Variants in AKAP6 observed in about 807,000 individuals in gnomAD.
AKAP6 encodes the protein A-kinase anchoring protein 6.
AKAP6 carries 58 observed loss-of-function variants against 188.5 expected under a neutral mutation model. That is an observed-to-expected ratio of 0.31 (90% CI 0.25 to 0.38). The LOEUF is 0.38. Ranked by LOEUF, AKAP6 falls within the 10% of genes least tolerant of loss-of-function variation. The pLI is 1.00. For missense variants in AKAP6, 2,710 were observed against 2,740.0 expected, an observed-to-expected ratio of 0.99 and a Z score of 0.24; for synonymous variants, 989 against 998.6, an observed-to-expected ratio of 0.99 and a Z score of 0.18.
rs74041655 is a variant in AKAP6, at chr14:32,666,096, C to A, written c.2731-12215C>A. ...TGCCTTTACATTATTATTATGACTT[C>A]AGTAAATTGGTTAATAACCAATATA... On this transcript the variant is annotated intron_variant, in intron 7 of 13. Transcript: ENST00000280979. 6.0e-3 allele frequency among the ~76,000 whole-genome samples: 917 copies of A among 152,122 alleles called. 11 individuals are homozygous for A. Among genetic ancestry groups the A allele is most frequent in the African/African-American group, 0.021 (884 of 41,498 alleles).
intron 7 of AKAP6, among the ~76,000 whole-genome samples, chr14:32,605,654 A>G (rs1223240961): frequency 6.6e-6 from 1 of 152,200 alleles, no homozygotes. Context: ...GAAGTTCTCC[A>G]TGACTAAAAG....
chr14:32,733,510 A>G (rs1319499890), intron 10 of AKAP6: 1 of 152,142 alleles, frequency 6.6e-6, no homozygotes, highest in Non-Finnish European at 1.5e-5. Context: ...TTTTAGATAA[A>G]TAATACTCCA....
chr14:32,337,733 C>G (rs978900011), intron 1 of AKAP6, among the ~76,000 whole-genome samples: 2 of 145,284 alleles, frequency 1.4e-5, no homozygotes, highest in Non-Finnish European at 3.0e-5. Flanking sequence ...TCCCCCCACC[C>G]CACAACAGTC....
intron 11 of AKAP6, among the ~76,000 whole-genome samples, chr14:32,743,540 G>GTGTATCCA (rs1287843397): frequency 8.5e-5 from 13 of 152,054 alleles, no homozygotes; most frequent in East Asian, 5.8e-4. Context: ...CCATTTGTGT[G>GTGTATCCA]TTTTTTGGTT....
chr14:32,594,179 GA>G (rs1480320535), intron 5 of AKAP6, among the ~76,000 whole-genome samples: 1 of 152,122 alleles, frequency 6.6e-6, no homozygotes, highest in Admixed American at 6.6e-5. Context: ...TAGATAGTAT[GA>G]TTTCCATTTT....
intron 12 of AKAP6, among the ~76,000 whole-genome samples, chr14:32,783,944 CT>C (rs2033327414): frequency 6.6e-6 from 1 of 152,074 alleles, no homozygotes; most frequent in South Asian, 2.1e-4. Flanking sequence ...ATGAACAAGA[CT>C]TTCATAAATA....
At chr14:32,400,579 A>AAAAAAAAAAAAAAG (rs5807654) in intron 1 of AKAP6, among the ~76,000 whole-genome samples, 1 of 150,440 alleles carries the variant, frequency 6.6e-6, no homozygotes, top group African/African-American at 2.4e-5. Flanking sequence ...AAAAAAAAAA[A>AAAAAAAAAAAAAAG]GACAGTAAGC....
rs1205578009 is a variant in AKAP6, at chr14:32,835,461, C to G, written c.*5656C>G. 6.6e-6 allele frequency: 1 copy of G among 152,188 alleles called. No homozygotes were observed. Among genetic ancestry groups the G allele is most frequent in the Non-Finnish European group, 1.5e-5 (1 of 68,028 alleles). The allele number at this position is 152,188 out of a possible 1,614,324, so 9.4% of individuals were successfully genotyped here. ...TTACAGACTAAATAATTAGTTCAAT[C>G]AAAACCATCAGAAAAATTGACACAA... is the stretch of plus-strand genomic sequence containing the variant. On this transcript the variant is annotated 3_prime_UTR_variant, in exon 14 of 14. Coordinates refer to ENST00000280979, the MANE Select transcript of AKAP6 (RefSeq NM_004274.5).
intron 7 of AKAP6, among the ~76,000 whole-genome samples, chr14:32,651,987 A>G (rs997216694): frequency 2.0e-5 from 3 of 152,026 alleles, no homozygotes; most frequent in Middle Eastern, 3.2e-3. Flanking sequence ...TATAGTATGC[A>G]TATTCCCTTA....
intron 2 of AKAP6, among the ~76,000 whole-genome samples, chr14:32,453,575 CTTTTTTTTTTTTTTTTTTTTTTTTTTTT>C (rs71115071): frequency 2.1e-5 from 2 of 95,354 alleles, no homozygotes; most frequent in Non-Finnish European, 4.3e-5. Context: ...TTTTTCTTTT[CTTTTTTTTTTTTTTTTTTTTTTTTTTTT>C]TTTTTTTTTT....
intron 1 of AKAP6, among the ~76,000 whole-genome samples, chr14:32,334,740 C>A (rs751187886): frequency 6.6e-6 from 1 of 152,138 alleles, no homozygotes; most frequent in African/African-American, 2.4e-5. Flanking sequence ...TTCTTCTCCA[C>A]GAGCACATAC....
intron 11 of AKAP6, among the ~76,000 whole-genome samples, chr14:32,760,271 A>G (rs967017725): frequency 6.6e-6 from 1 of 152,202 alleles, no homozygotes; most frequent in Non-Finnish European, 1.5e-5. Context: ...TCAAAATTGT[A>G]TTTTATAATT....
intron 11 of AKAP6, among the ~76,000 whole-genome samples, chr14:32,739,511 T>C (rs12895662): frequency 0.34 from 51,579 of 151,816 alleles, 8,970 homozygotes; most frequent in Middle Eastern, 0.44. Flanking sequence ...AACCACCCTG[T>C]TTGCCCCTAC....
chr14:32,519,667 C>G (rs1199652615), intron 2 of AKAP6, among the ~76,000 whole-genome samples: 1 of 152,030 alleles, frequency 6.6e-6, no homozygotes, highest in East Asian at 1.9e-4. Flanking sequence ...ATATATGCAC[C>G]CAATACAGGA....
At chr14:32,574,173 A>C (rs1358880784) in intron 4 of AKAP6, among the ~76,000 whole-genome samples, 1 of 152,160 alleles carries the variant, frequency 6.6e-6, no homozygotes, top group Non-Finnish European at 1.5e-5. Flanking sequence ...GAACACTGGG[A>C]TATCTCAGGT....
intron 7 of AKAP6, among the ~76,000 whole-genome samples, chr14:32,635,713 T>C (rs1416285619): frequency 1.3e-5 from 2 of 152,088 alleles, no homozygotes; most frequent in African/African-American, 4.8e-5. Flanking sequence ...GAGAAAATTA[T>C]GTGTTCAATG....
chr14:32,393,907 A>G (rs749529124), intron 1 of AKAP6, among the ~76,000 whole-genome samples: 7 of 152,128 alleles, frequency 4.6e-5, no homozygotes, highest in Non-Finnish European at 1.0e-4. Context: ...ATAAGTAAAT[A>G]ATAGAATTAG....
chr14:32,389,274 G>T (rs1888631712), intron 1 of AKAP6, among the ~76,000 whole-genome samples: 1 of 152,114 alleles, frequency 6.6e-6, no homozygotes, highest in African/African-American at 2.4e-5. Context: ...CAGATTGTTG[G>T]TTGGTGAATT....
chr14:32,806,231 A>G (rs2034085785), intron 12 of AKAP6, among the ~76,000 whole-genome samples: 1 of 152,234 alleles, frequency 6.6e-6, no homozygotes, highest in Non-Finnish European at 1.5e-5. Context: ...TAATTTTGAC[A>G]TAGATGAGAC....
Sources: allele counts gnomAD v4.1 joint callset (sites outside exome capture counted in the v4.1 genomes callset), GRCh38; gene constraint gnomAD v4.1.1; transcripts MANE v1.5; gene names NCBI Gene and HGNC (gene_info 2026-07-23, HGNC 2026-07-21).